Variants in DIAPH3 observed in about 807,000 individuals in gnomAD.
The protein encoded by DIAPH3 is protein diaphanous homolog 3.
A neutral mutation model predicts 144.3 loss-of-function variants in DIAPH3; 117 were observed. That is an observed-to-expected ratio of 0.81 (90% CI 0.70 to 0.95). DIAPH3 has a LOEUF of 0.95. Ranked by LOEUF, DIAPH3 falls within the 40% of genes least tolerant of loss-of-function variation. DIAPH3 has a pLI of 0.00. For missense variants in DIAPH3, 1,421 were observed against 1,412.7 expected (o/e 1.01, Z -0.09); for synonymous variants, 519 against 488.9 (o/e 1.06, Z -0.81).
chr13:59,902,068 G>A (rs1027050022), intron 20 of DIAPH3, among the ~76,000 whole-genome samples: 1 of 152,166 alleles, frequency 6.6e-6, no homozygotes, highest in Non-Finnish European at 1.5e-5. Flanking sequence ...AATTTTCCAT[G>A]AATGTCACTA....
At chr13:59,670,253 G>T (rs1296045259) in intron 27 of DIAPH3, among the ~76,000 whole-genome samples, 1 of 152,152 alleles carries the variant, frequency 6.6e-6, no homozygotes, top group Non-Finnish European at 1.5e-5. Flanking sequence ...AGTGTAAAAA[G>T]GAAAGAGGCC....
chr13:59,889,187 C>T (rs998994921), intron 20 of DIAPH3, among the ~76,000 whole-genome samples: 1 of 151,920 alleles, frequency 6.6e-6, no homozygotes, highest in East Asian at 1.9e-4. Context: ...ATTATTTCTT[C>T]AAATATTTTG....
At chr13:59,731,317 T>G (rs1480490234) in intron 27 of DIAPH3, among the ~76,000 whole-genome samples, 2 of 152,200 alleles carry the variant, frequency 1.3e-5, no homozygotes, top group Non-Finnish European at 2.9e-5. Flanking sequence ...ATGAATTTCT[T>G]AGCATTAAAC....
intron 4 of DIAPH3, among the ~76,000 whole-genome samples, chr13:60,046,271 G>A (rs1317135950): frequency 6.6e-6 from 1 of 151,854 alleles, no homozygotes; most frequent in Non-Finnish European, 1.5e-5. Flanking sequence ...CACTGAATAG[G>A]ATATTATATG....
intron 17 of DIAPH3, among the ~76,000 whole-genome samples, chr13:59,935,143 G>A (rs966184553): frequency 6.6e-6 from 1 of 152,158 alleles, no homozygotes; most frequent in South Asian, 2.1e-4. Flanking sequence ...AACACAGACT[G>A]AAACTACAGT....
At chr13:59,895,415 G>T (rs2046028708) in intron 20 of DIAPH3, among the ~76,000 whole-genome samples, 1 of 136,914 alleles carries the variant, frequency 7.3e-6, no homozygotes, top group Non-Finnish European at 1.5e-5. Context: ...TAGGAAACTT[G>T]ATCCAATGTT....
At chr13:60,017,416 A>G (rs922740674) in intron 5 of DIAPH3, among the ~76,000 whole-genome samples, 24 of 152,086 alleles carry the variant, frequency 1.6e-4, no homozygotes, top group Non-Finnish European at 2.5e-4. Context: ...AAAAAAAAAA[A>G]AAATTCAAGG....
chr13:59,812,014 G>A (rs900125359), intron 24 of DIAPH3, among the ~76,000 whole-genome samples: 3 of 152,088 alleles, frequency 2.0e-5, no homozygotes, highest in African/African-American at 7.2e-5. Flanking sequence ...CACATTGGAC[G>A]TTTATCACCA....
intron 25 of DIAPH3, among the ~76,000 whole-genome samples, chr13:59,804,208 C>T (rs958174770): frequency 6.6e-6 from 1 of 152,176 alleles, no homozygotes; most frequent in Non-Finnish European, 1.5e-5. Context: ...AAAGGGAAGA[C>T]CACATGGCTT....
chr13:59,737,380 A>T (rs1295685020), intron 27 of DIAPH3, among the ~76,000 whole-genome samples: 2 of 152,222 alleles, frequency 1.3e-5, no homozygotes, highest in South Asian at 2.1e-4. Context: ...TATTCTTTGC[A>T]TACTCATTAT....
intron 27 of DIAPH3, among the ~76,000 whole-genome samples, chr13:59,735,197 A>G (rs2036085202): frequency 6.6e-6 from 1 of 152,216 alleles, no homozygotes; most frequent in Admixed American, 6.5e-5. Flanking sequence ...AGCACTGAAT[A>G]TTAATTGCAT....
intron 27 of DIAPH3, among the ~76,000 whole-genome samples, chr13:59,717,469 C>T (rs2035119373): frequency 6.6e-6 from 1 of 151,786 alleles, no homozygotes; most frequent in African/African-American, 2.4e-5. Flanking sequence ...ATTAATTTGC[C>T]ACCCAACAGC....
intron 3 of DIAPH3, among the ~76,000 whole-genome samples, chr13:60,098,451 T>C (rs2058172513): frequency 6.6e-6 from 1 of 151,928 alleles, no homozygotes; most frequent in Admixed American, 6.6e-5. Flanking sequence ...AAGCCAACAC[T>C]CATCACCTGG....
intron 21 of DIAPH3, among the ~76,000 whole-genome samples, chr13:59,865,002 A>T (rs2043831326): frequency 6.6e-6 from 1 of 152,074 alleles, no homozygotes; most frequent in Admixed American, 6.6e-5. Flanking sequence ...CATGTTGTTG[A>T]TCATGCATGG....
At chr13:59,934,106 T>C (rs2048151176) in intron 17 of DIAPH3, among the ~76,000 whole-genome samples, 1 of 152,180 alleles carries the variant, frequency 6.6e-6, no homozygotes, top group Non-Finnish European at 1.5e-5. Context: ...AATGTTTTAG[T>C]AGTCAGTATA....
chr13:59,956,757 C>A (rs1393536013), intron 17 of DIAPH3, among the ~76,000 whole-genome samples: 10 of 152,110 alleles, frequency 6.6e-5, no homozygotes, highest in Admixed American at 6.6e-4. Context: ...ACACTCGACA[C>A]CACCCCATGA....
chr13:60,081,248 G>T (rs1331396042), intron 4 of DIAPH3, among the ~76,000 whole-genome samples: 1 of 152,010 alleles, frequency 6.6e-6, no homozygotes, highest in Non-Finnish European at 1.5e-5. Flanking sequence ...ATAAGGAAAT[G>T]ATAACACTGC....
At chr13:59,752,666 C>T (rs1034776219) in intron 27 of DIAPH3, among the ~76,000 whole-genome samples, 2 of 152,258 alleles carry the variant, frequency 1.3e-5, no homozygotes, top group East Asian at 1.9e-4. Context: ...CTGCACCCAG[C>T]TAATGTAGTC....
At chr13:59,921,990 C>T (rs1367647144) in intron 18 of DIAPH3, among the ~76,000 whole-genome samples, 1 of 151,970 alleles carries the variant, frequency 6.6e-6, no homozygotes, top group East Asian at 1.9e-4. Context: ...AATAATTTGA[C>T]AGAATTCATC....
Sources: gnomAD v4.1 joint callset for allele counts (sites outside exome capture counted in the v4.1 genomes callset) on GRCh38, gnomAD v4.1.1 for gene constraint, MANE v1.5 for transcripts, NCBI Gene and HGNC (gene_info 2026-07-23, HGNC 2026-07-21) for gene names.